Variants in FCHSD2 observed in about 807,000 individuals in gnomAD.
FCHSD2 encodes FCH and double SH3 domains 2, also known as F-BAR and double SH3 domains protein 2.
A neutral mutation model predicts 108.1 loss-of-function variants in FCHSD2; 38 were observed. That is an observed-to-expected ratio of 0.35 (90% confidence interval 0.27 to 0.46). The LOEUF (loss-of-function observed/expected upper bound fraction) is 0.46. FCHSD2 is among the 20% of genes least tolerant of loss of function. FCHSD2 has a pLI of 1.00. For missense variants in FCHSD2, 751 were observed against 897.8 expected, an observed-to-expected ratio of 0.84 and a Z score of 2.09; for synonymous variants, 279 against 314.7, an observed-to-expected ratio of 0.89 and a Z score of 1.20.
At chr11:73,082,446 A>G (rs952362077) in intron 3 of FCHSD2, among the ~76,000 whole-genome samples, 2 of 151,944 alleles carry the variant, frequency 1.3e-5, no homozygotes, top group Non-Finnish European at 2.9e-5. Context: ...GCACTCAACA[A>G]CTACTGATTG....
intron 2 of FCHSD2, among the ~76,000 whole-genome samples, chr11:73,123,314 G>GT (rs1860777211): frequency 6.6e-6 from 1 of 152,190 alleles, no homozygotes; most frequent in South Asian, 2.1e-4. Flanking sequence ...AGCCAAGCCA[G>GT]TATTTCCTGG....
intron 3 of FCHSD2, among the ~76,000 whole-genome samples, chr11:73,035,205 C>CGTATGTAT (rs1462469984): frequency 3.2e-4 from 29 of 89,842 alleles, no homozygotes; most frequent in African/African-American, 9.7e-4. Flanking sequence ...TATGTATGTA[C>CGTATGTAT]GTACTAAGAC....
chr11:72,846,040 GATTACAAATAAATA>G (rs1186407610), intron 14 of FCHSD2, among the ~76,000 whole-genome samples: 1 of 150,812 alleles, frequency 6.6e-6, no homozygotes, highest in African/African-American at 2.5e-5. Context: ...TTATTGAAGG[GATTACAAATAAATA>G]GATAGATAGA....
chr11:72,894,126 C>T (rs1023689201), intron 10 of FCHSD2, among the ~76,000 whole-genome samples: 8 of 152,202 alleles, frequency 5.3e-5, no homozygotes, highest in Non-Finnish European at 1.0e-4. Context: ...CAGTAAAATA[C>T]TAGCATTCCA....
chr11:73,028,893 C>T (rs1858293576), intron 3 of FCHSD2, among the ~76,000 whole-genome samples: 1 of 152,168 alleles, frequency 6.6e-6, no homozygotes, highest in African/African-American at 2.4e-5. Flanking sequence ...TCCCCTTTGC[C>T]TTCTGCCATA....
At chr11:72,979,527 C>T (rs965862397) in intron 8 of FCHSD2, among the ~76,000 whole-genome samples, 4 of 152,004 alleles carry the variant, frequency 2.6e-5, no homozygotes, top group African/African-American at 9.7e-5. Context: ...TACAAATAAT[C>T]AAGAACTAGG....
chr11:72,931,170 C>T (rs1403604618), intron 8 of FCHSD2, among the ~76,000 whole-genome samples: 1 of 149,512 alleles, frequency 6.7e-6, no homozygotes, highest in Non-Finnish European at 1.5e-5. Context: ...ATCAGGCTCA[C>T]TGCAACCTCT....
At chr11:72,895,258 T>C (rs765086881) in intron 10 of FCHSD2, among the ~76,000 whole-genome samples, 1 of 152,150 alleles carries the variant, frequency 6.6e-6, no homozygotes, top group Non-Finnish European at 1.5e-5. Flanking sequence ...AAAAGGAATA[T>C]ACCCATTAAG....
At chr11:72,913,623 T>C (rs1855808648) in intron 9 of FCHSD2, among the ~76,000 whole-genome samples, 1 of 152,182 alleles carries the variant, frequency 6.6e-6, no homozygotes, top group Non-Finnish European at 1.5e-5. Context: ...TTGTTCACAG[T>C]AGCCTCTAAT....
intron 12 of FCHSD2, among the ~76,000 whole-genome samples, chr11:72,885,111 A>G (rs1565305388): frequency 2.0e-5 from 3 of 152,234 alleles, no homozygotes; most frequent in Admixed American, 1.3e-4. Flanking sequence ...GAAGACTCTC[A>G]TGGTCTAGTC....
intron 3 of FCHSD2, among the ~76,000 whole-genome samples, chr11:73,037,141 G>C (rs1459228889): frequency 6.6e-6 from 1 of 152,092 alleles, no homozygotes; most frequent in Non-Finnish European, 1.5e-5. Context: ...TTTTAGAACA[G>C]TTTTAGGTTC....
At chr11:72,839,339 A>C (rs1309670775) in intron 19 of FCHSD2, among the ~76,000 whole-genome samples, 3 of 152,240 alleles carry the variant, frequency 2.0e-5, no homozygotes, top group Non-Finnish European at 4.4e-5. Context: ...TTTATTCTGT[A>C]GGCAAAAGAG....
At chr11:73,141,743 A>T in intron 1 of FCHSD2, 114 bp downstream of exon 1, 2 of 1,180,720 alleles carry the variant, frequency 1.7e-6, no homozygotes, top group Non-Finnish European at 2.4e-6. Context: ...GACAAGCCCA[A>T]GACGAGGGCG....
intron 3 of FCHSD2, among the ~76,000 whole-genome samples, chr11:73,053,249 A>C (rs1421820607): frequency 1.3e-5 from 2 of 151,896 alleles, no homozygotes; most frequent in Non-Finnish European, 2.9e-5. Flanking sequence ...AAATTTGATA[A>C]AAACATTTTC....
chr11:73,083,764 T>C, intron 2 of FCHSD2, 24 bp from the exon 3 acceptor site: 2 of 1,419,168 alleles, frequency 1.4e-6, no homozygotes, highest in Non-Finnish European at 1.9e-6. Flanking sequence ...GAAAAATTAA[T>C]TACCAGAAGG....
chr11:72,866,124 A>C (rs1431128166), intron 13 of FCHSD2, among the ~76,000 whole-genome samples: 3 of 152,208 alleles, frequency 2.0e-5, no homozygotes, highest in Admixed American at 2.0e-4. Context: ...CTGCTGTAGA[A>C]GCCCAAATCA....
At chr11:73,006,124 C>T (rs1249229267) in intron 4 of FCHSD2, among the ~76,000 whole-genome samples, 3 of 151,756 alleles carry the variant, frequency 2.0e-5, no homozygotes, top group African/African-American at 7.3e-5. Context: ...TAATCTGCAT[C>T]TTGAACTCCT....
intron 3 of FCHSD2, among the ~76,000 whole-genome samples, chr11:73,016,114 C>A (rs1857966171): frequency 6.6e-6 from 1 of 151,976 alleles, no homozygotes. Context: ...ACCAGCTTGG[C>A]CAACATGGTG....
intron 3 of FCHSD2, among the ~76,000 whole-genome samples, chr11:73,073,614 C>T (rs1426940649): frequency 6.6e-6 from 1 of 152,164 alleles, no homozygotes; most frequent in Non-Finnish European, 1.5e-5. Context: ...CTCTGTAAAC[C>T]TCACAAACGC....
Sources: allele counts gnomAD v4.1 joint callset (sites outside exome capture counted in the v4.1 genomes callset), GRCh38; gene constraint gnomAD v4.1.1; transcripts MANE v1.5; gene names NCBI Gene and HGNC (gene_info 2026-07-23, HGNC 2026-07-21).